CTNNA3: variants seen among roughly 807,000 people sequenced by gnomAD.
The protein encoded by CTNNA3 is catenin alpha 3, also known as catenin alpha-3.
Under a neutral mutation model 95.7 loss-of-function variants are expected in CTNNA3, and 76 were observed. That is an observed-to-expected ratio of 0.79 (90% CI 0.66 to 0.96). The LOEUF (loss-of-function observed/expected upper bound fraction) is 0.96. Ranked by LOEUF, CTNNA3 falls within the 40% of genes least tolerant of loss-of-function variation. The pLI, the probability that CTNNA3 is intolerant of heterozygous loss-of-function variation, is 0.00. For synonymous variants in CTNNA3, 431 were observed against 374.4 expected (o/e 1.15, Z -1.74); for missense variants, 1,191 against 1,089.8 (o/e 1.09, Z -1.31).
At chr10:67,187,700 C>T (rs1167183296) in intron 6 of CTNNA3, among the ~76,000 whole-genome samples, 1 of 152,128 alleles carries the variant, frequency 6.6e-6, no homozygotes, top group Non-Finnish European at 1.5e-5. Flanking sequence ...ATCTTCCCAA[C>T]TCAGCCTCCG....
At chr10:67,267,888 C>T (rs1170782269) in intron 5 of CTNNA3, among the ~76,000 whole-genome samples, 2 of 151,996 alleles carry the variant, frequency 1.3e-5, no homozygotes, top group Non-Finnish European at 1.5e-5. Context: ...CAGTAGTTTA[C>T]TCTTATCTTT....
intron 7 of CTNNA3, among the ~76,000 whole-genome samples, chr10:66,781,452 A>G (rs1840532855): frequency 6.6e-6 from 1 of 152,164 alleles, no homozygotes; most frequent in Non-Finnish European, 1.5e-5. Context: ...CAAGTATAAG[A>G]AAGAAAAATG....
At chr10:67,316,615 C>A (rs1240362871) in intron 5 of CTNNA3, among the ~76,000 whole-genome samples, 4 of 152,088 alleles carry the variant, frequency 2.6e-5, no homozygotes, top group Non-Finnish European at 5.9e-5. Flanking sequence ...TTTATGTCAT[C>A]TAGCCATGAC....
chr10:67,233,810 T>TA (rs1166846634), intron 5 of CTNNA3, among the ~76,000 whole-genome samples: 5 of 151,634 alleles, frequency 3.3e-5, no homozygotes, highest in Non-Finnish European at 4.4e-5. Flanking sequence ...ATAGATGCAA[T>TA]AAAAAATGAT....
chr10:67,413,587 T>G (rs1010853818), intron 5 of CTNNA3, among the ~76,000 whole-genome samples: 21 of 151,976 alleles, frequency 1.4e-4, no homozygotes, highest in African/African-American at 4.8e-4. Context: ...CTTGACCAAA[T>G]GGGCCTATAA....
intron 12 of CTNNA3, among the ~76,000 whole-genome samples, chr10:66,345,621 T>A (rs115888217): frequency 6.6e-6 from 1 of 152,132 alleles, no homozygotes; most frequent in Non-Finnish European, 1.5e-5. Flanking sequence ...GAATTCAGTA[T>A]GATTTTAAAG....
At chr10:66,900,243 C>T (rs1333683483) in intron 7 of CTNNA3, among the ~76,000 whole-genome samples, 1 of 152,242 alleles carries the variant, frequency 6.6e-6, no homozygotes, top group Admixed American at 6.5e-5. Flanking sequence ...CTGGAGTGGA[C>T]CTCCAGCAAA....
intron 7 of CTNNA3, among the ~76,000 whole-genome samples, chr10:67,147,955 A>C (rs1280260066): frequency 6.6e-6 from 1 of 152,210 alleles, no homozygotes; most frequent in East Asian, 1.9e-4. Flanking sequence ...ATAACTTCAG[A>C]ATAAAAGCAG....
intron 6 of CTNNA3, 59 bp downstream of exon 6, chr10:67,219,548 T>C: frequency 6.9e-7 from 1 of 1,451,562 alleles, no homozygotes; most frequent in South Asian, 1.5e-5. Flanking sequence ...TCTTCTGTTT[T>C]ATTATTATTA....
At chr10:66,218,664 GTTAT>G (rs2088713071) in intron 13 of CTNNA3, among the ~76,000 whole-genome samples, 1 of 152,174 alleles carries the variant, frequency 6.6e-6, no homozygotes, top group Admixed American at 6.5e-5. Flanking sequence ...TAAGTTTTGT[GTTAT>G]TTGTTACTCA....
chr10:66,145,676 C>A (rs1564697389), intron 13 of CTNNA3, among the ~76,000 whole-genome samples: 3 of 152,086 alleles, frequency 2.0e-5, no homozygotes, highest in South Asian at 2.1e-4. Context: ...CAGCTTATTG[C>A]AAAGCAAGTA....
chr10:67,744,725 A>G (rs562057056), intron 1 of CTNNA3, among the ~76,000 whole-genome samples: 28 of 147,892 alleles, frequency 1.9e-4, no homozygotes, highest in African/African-American at 7.1e-4. Context: ...CAACCTACAG[A>G]ATGGGAGAAA....
chr10:67,617,569 C>T (rs552240613), intron 2 of CTNNA3, among the ~76,000 whole-genome samples: 8 of 152,110 alleles, frequency 5.3e-5, no homozygotes, highest in African/African-American at 1.7e-4. Context: ...TGAACAGGCA[C>T]GTGCATATGT....
At chr10:67,133,717 T>C (rs1321176215) in intron 7 of CTNNA3, among the ~76,000 whole-genome samples, 1 of 152,038 alleles carries the variant, frequency 6.6e-6, no homozygotes, top group Non-Finnish European at 1.5e-5. Flanking sequence ...GAGTTTAAGA[T>C]TTCAGAGACT....
rs991444985 is a variant in CTNNA3, at chr10:66,290,726, G to T, written c.1733-10105C>A. On this transcript the variant is annotated intron_variant, in intron 12 of 17. Coordinates refer to ENST00000433211, the MANE Select transcript of CTNNA3 (RefSeq NM_013266.4). ...GACATACAGAAATAGGTCTTGATTT[G>T]AATTCTAGAGAGAAAGTCAATGCAT... Among the ~76,000 whole-genome samples the T allele has an allele frequency of 9.6e-4, 146 of 152,166 alleles. 1 individual carries two copies. Among genetic ancestry groups the T allele is most frequent in the African/African-American group, 3.3e-3 (138 of 41,548 alleles).
intron 5 of CTNNA3, among the ~76,000 whole-genome samples, chr10:67,426,189 T>A (rs1460681160): frequency 6.6e-6 from 1 of 152,050 alleles, no homozygotes; most frequent in Non-Finnish European, 1.5e-5. Context: ...AGATTTATAT[T>A]CTAGGATAAT....
intron 10 of CTNNA3, among the ~76,000 whole-genome samples, chr10:66,560,509 A>G (rs1245903899): frequency 6.6e-6 from 1 of 152,096 alleles, no homozygotes; most frequent in Non-Finnish European, 1.5e-5. Context: ...AGGTATCAAG[A>G]GTTCACAGCT....
At chr10:66,713,028 A>AG (rs889275133) in intron 9 of CTNNA3, among the ~76,000 whole-genome samples, 163 of 152,226 alleles carry the variant, frequency 1.1e-3, no homozygotes, top group African/African-American at 3.9e-3. Flanking sequence ...ACCTTAAGTA[A>AG]GGGGTCCTCT....
intron 1 of CTNNA3, among the ~76,000 whole-genome samples, chr10:67,763,057 A>C (rs1841470947): frequency 6.6e-6 from 1 of 152,212 alleles, no homozygotes; most frequent in Admixed American, 6.5e-5. Flanking sequence ...TGGGTGTCTA[A>C]GGAATTTTGT....
Sources: allele counts gnomAD v4.1 joint callset (sites outside exome capture counted in the v4.1 genomes callset), GRCh38; gene constraint gnomAD v4.1.1; transcripts MANE v1.5; gene names NCBI Gene and HGNC (gene_info 2026-07-23, HGNC 2026-07-21).